ASH1L: variants seen among roughly 807,000 people sequenced by gnomAD.
ASH1L encodes the protein histone-lysine N-methyltransferase ASH1L.
ASH1L carries 23 observed loss-of-function variants against 269.0 expected under a neutral mutation model. The observed-to-expected ratio is 0.09, with a 90% confidence interval of 0.06 to 0.12. The LOEUF (loss-of-function observed/expected upper bound fraction) is 0.12, where lower values mean the gene tolerates loss of function less well. Among genes scored for constraint, ASH1L ranks in the 10% least tolerant of loss-of-function variants. The pLI is 1.00. For missense variants in ASH1L, 2,912 were observed against 3,567.8 expected (o/e 0.82, Z 4.68); for synonymous variants, 1,187 against 1,253.5 (o/e 0.95, Z 1.12).
Position 155,339,311 on chromosome 1 carries a change from C to A in ASH1L, c.8501+17G>T, listed in dbSNP as rs945348235. 7 of 1,610,464 alleles carry A rather than the reference C, an allele frequency of 4.3e-6. No homozygotes were observed. Among genetic ancestry groups the A allele is most frequent in the Non-Finnish European group, 5.1e-6 (6 of 1,176,976 alleles). ...AGTCAATCCCTTAGGATCCTCATAT[C>A]CCCCCATGGGACTTACCGTCCTCCA... On this transcript the variant is annotated intron_variant, in intron 26 of 27. Transcript: ENST00000392403.
intron 2 of ASH1L, among the ~76,000 whole-genome samples, chr1:155,490,968 CAAAAAAAAAAAAAAAAAAAAAAA>C (rs767615285): frequency 0.017 from 1,014 of 61,358 alleles, 34 homozygotes; most frequent in African/African-American, 0.067. Flanking sequence ...ACCCTGATTC[CAAAAAAAAAAAAAAAAAAAAAAA>C]AAAAAAAAAA....
intron 1 of ASH1L, among the ~76,000 whole-genome samples, chr1:155,530,270 T>G (rs1328598468): frequency 1.3e-5 from 2 of 152,236 alleles, no homozygotes; most frequent in Non-Finnish European, 2.9e-5. Context: ...GTGTACATCT[T>G]TCCATTGAAA....
intron 6 of ASH1L, among the ~76,000 whole-genome samples, chr1:155,415,489 A>G (rs1043544006): frequency 2.0e-5 from 3 of 152,144 alleles, no homozygotes; most frequent in African/African-American, 7.2e-5. Context: ...CTCATACAAC[A>G]TAAGACAGTA....
intron 1 of ASH1L, among the ~76,000 whole-genome samples, chr1:155,526,961 T>C (rs1669303386): frequency 6.6e-6 from 1 of 152,050 alleles, no homozygotes; most frequent in Admixed American, 6.5e-5. Context: ...ATCCCAGCAG[T>C]TGGGAGGCCA....
intron 1 of ASH1L, among the ~76,000 whole-genome samples, chr1:155,559,020 T>C (rs1671786686): frequency 6.6e-6 from 1 of 151,802 alleles, no homozygotes; most frequent in African/African-American, 2.4e-5. Context: ...ATTTTTGTAC[T>C]TTTAGTAGAG....
At chr1:155,397,807 T>C (rs1472519642) in intron 6 of ASH1L, among the ~76,000 whole-genome samples, 3 of 152,128 alleles carry the variant, frequency 2.0e-5, no homozygotes, top group Admixed American at 6.6e-5. Context: ...GGTGATCCAC[T>C]TGCCTCAGCT....
intron 5 of ASH1L, among the ~76,000 whole-genome samples, chr1:155,423,211 A>C (rs1660856665): frequency 6.6e-6 from 1 of 151,384 alleles, no homozygotes; most frequent in African/African-American, 2.4e-5. Context: ...GGCCTCCCAA[A>C]GTGTTGGGAT....
chr1:155,512,624 G>T (rs902382320), intron 2 of ASH1L, among the ~76,000 whole-genome samples: 1 of 151,324 alleles, frequency 6.6e-6, no homozygotes, highest in Non-Finnish European at 1.5e-5. Flanking sequence ...GCTAATTTTT[G>T]TATTTTTAGT....
intron 12 of ASH1L, among the ~76,000 whole-genome samples, chr1:155,368,627 T>C (rs1203397373): frequency 6.6e-6 from 1 of 151,924 alleles, no homozygotes. Flanking sequence ...CGGCTAATTT[T>C]TGTATTTTTG....
Position 155,349,354 on chromosome 1 carries a change from G to C in ASH1L, c.7527C>G (p.Asp2509Glu). ...CAGCATTCCGAAAGACTTTGAGCAT[G>C]TCAGCATCAAAAGCTTCCACTGTCT... is the stretch of plus-strand genomic sequence containing the variant. ...YYKTVEAFDA[D>E]MLKVFRNAEK... is the part of the protein sequence containing the mutation. The change falls in exon 19 of 28, where the codon GAC (aspartate) becomes GAG (glutamate). Residue 2509 changes from aspartate (D) to glutamate (E), a missense_variant. Asp to Glu is a conservative substitution (Grantham distance 45). Transcript: ENST00000392403. 1 of 1,613,906 alleles carries C rather than the reference G, an allele frequency of 6.2e-7. No individual in the cohort carries two copies. The highest frequency in any genetic ancestry group is 8.5e-7 in the Non-Finnish European group (1 of 1,179,842).
intron 12 of ASH1L, 125 bp from the exon 13 acceptor site, chr1:155,360,534 C>T (rs1275544402): frequency 3.4e-6 from 2 of 592,170 alleles, no homozygotes; most frequent in Non-Finnish European, 3.0e-6. Flanking sequence ...ACCTCCGCTT[C>T]CCGGATTCAA....
chr1:155,555,534 T>C (rs1466924587), intron 1 of ASH1L, among the ~76,000 whole-genome samples: 1 of 141,852 alleles, frequency 7.0e-6, no homozygotes, highest in African/African-American at 2.6e-5. Context: ...AACAAAAAAA[T>C]GAAAATCTAG....
chr1:155,537,056 A>G (rs1198984500), intron 1 of ASH1L, among the ~76,000 whole-genome samples: 7 of 151,502 alleles, frequency 4.6e-5, no homozygotes, highest in African/African-American at 1.5e-4. Context: ...AAAAAAAAAA[A>G]GGGAAAAAAG....
chr1:155,431,652 TG>T (rs916081349), intron 5 of ASH1L, among the ~76,000 whole-genome samples: 2 of 151,912 alleles, frequency 1.3e-5, no homozygotes, highest in African/African-American at 4.8e-5. Flanking sequence ...TCCCAGCCAC[TG>T]TGGGGGAGGG....
intron 21 of ASH1L, chr1:155,344,553 C>T (rs572405532): frequency 3.6e-6 from 1 of 280,040 alleles, no homozygotes; most frequent in East Asian, 7.2e-5. Flanking sequence ...TGAAGGGAGA[C>T]TAATTATTAC....
chr1:155,342,004 G>C lies in ASH1L; in HGVS notation c.8392C>G (p.Pro2798Ala). The change falls in exon 25 of 28, where the codon CCT becomes GCT. Residue 2798 changes from proline to alanine, a missense_variant. Physicochemically the swap from Pro to Ala is conservative, Grantham distance 27. Around this residue, in one of 13 missense-constraint regions of ASH1L, gnomAD observed 179 missense variants for 293.8 expected, o/e 0.61. Transcript: ENST00000392403. Reference sequence around the variant, plus strand: ...AAAGCATAGGGTTTGGTGCAGACAGGATAGCGGTTCCGGTGGATCTTGTAA... The same window carrying C: ...AAAGCATAGGGTTTGGTGCAGACAGCATAGCGGTTCCGGTGGATCTTGTAA... ...LFYKIHRNRY[P>A]VCTKPYAFDH... 2 of 1,614,118 alleles carry C rather than the reference G, an allele frequency of 1.2e-6. No homozygotes were observed. The highest frequency in any genetic ancestry group is 1.7e-6 in the Non-Finnish European group (2 of 1,180,028).
chr1:155,540,925 A>C (rs1670385709), intron 1 of ASH1L, among the ~76,000 whole-genome samples: 1 of 152,006 alleles, frequency 6.6e-6, no homozygotes, highest in Admixed American at 6.6e-5. Flanking sequence ...GCATCTTTCC[A>C]TATGACTACT....
rs1570972992 is a variant in ASH1L at position 155,352,994 on chromosome 1, C to T, written c.7214-136G>A. ...TAGATTAGTGGGCACAGAGTTCTTT[C>T]TATCTTCTGTAATGAAAAATCAGGA... On this transcript the variant is annotated intron_variant, in intron 16 of 27. Coordinates refer to ENST00000392403, the MANE Select transcript of ASH1L (RefSeq NM_018489.3). 1.9e-5 allele frequency: 14 copies of T among 743,426 alleles called. No homozygotes were observed. In the South Asian group the frequency reaches 3.3e-4, roughly 18 times the overall value. The allele number at this position is 743,426 out of a possible 1,614,324, so 46.1% of individuals were successfully genotyped here. A position where few individuals can be genotyped will look rare whatever the true frequency, so the allele number is the denominator to read the frequency against.
chr1:155,420,557 TAAA>T (rs958222875), intron 5 of ASH1L, among the ~76,000 whole-genome samples: 1 of 143,264 alleles, frequency 7.0e-6, no homozygotes, highest in African/African-American at 2.5e-5. Context: ...ACAATGAATT[TAAA>T]AAAAAAAAGG....
Sources: allele counts gnomAD v4.1 joint callset (sites outside exome capture counted in the v4.1 genomes callset), GRCh38; gene constraint gnomAD v4.1.1; regional missense constraint gnomAD v4.1.1; transcripts MANE v1.5; gene names NCBI Gene and HGNC (gene_info 2026-07-23, HGNC 2026-07-21).